The following XPO4 variants were observed in gnomAD, a reference collection of about 807,000 sequenced individuals.
XPO4 encodes the protein exportin-4.
XPO4 carries 39 observed loss-of-function variants against 143.0 expected under a neutral mutation model. The ratio of observed to expected loss-of-function variants is 0.27; its 90% confidence interval spans 0.21 to 0.36. XPO4 has a LOEUF of 0.36. Among genes scored for constraint, XPO4 ranks in the 10% least tolerant of loss-of-function variants. The pLI is 1.00. For synonymous variants in XPO4, 439 were observed against 474.0 expected, an observed-to-expected ratio of 0.93 and a Z score of 0.96; for missense variants, 907 against 1,348.0, an observed-to-expected ratio of 0.67 and a Z score of 5.12.
intron 9 of XPO4, among the ~76,000 whole-genome samples, chr13:20,818,206 C>G (rs1228844614): frequency 6.6e-6 from 1 of 152,188 alleles, no homozygotes; most frequent in Non-Finnish European, 1.5e-5. Context: ...TCCAAAAAGT[C>G]TCAAATAATA....
At chr13:20,830,150 G>A (rs1460452535) in intron 6 of XPO4, among the ~76,000 whole-genome samples, 5 of 152,230 alleles carry the variant, frequency 3.3e-5, no homozygotes, top group Non-Finnish European at 7.4e-5. Context: ...CACTGTCCCT[G>A]ATGCCCAATT....
In XPO4 at chr13:20,778,594, G is replaced by A. The variant is rs2141452563; in HGVS notation, c.*5128C>T. On this transcript the variant is annotated 3_prime_UTR_variant, in exon 23 of 23. Coordinates refer to ENST00000255305, the MANE Select transcript of XPO4 (RefSeq NM_022459.5). ...TAACTGTGAAACTGTTTCTAAGACT[G>A]TGGGCTGAGATAAATATTATAAAAT... The A allele has an allele frequency of 6.6e-6, 1 of 152,284 alleles. No individual in the cohort carries two copies. Among genetic ancestry groups the A allele is most frequent in the Middle Eastern group, 3.4e-3 (1 of 294 alleles). The allele number at this position is 152,284 out of a possible 1,614,324, so 9.4% of individuals were successfully genotyped here.
intron 13 of XPO4, among the ~76,000 whole-genome samples, chr13:20,802,277 T>TG (rs1323293428): frequency 4.6e-5 from 7 of 152,182 alleles, no homozygotes; most frequent in African/African-American, 1.4e-4. Context: ...AGGCTGGTCT[T>TG]GAACTCCTGA....
intron 2 of XPO4, among the ~76,000 whole-genome samples, chr13:20,864,248 G>A (rs940202477): frequency 6.6e-6 from 1 of 152,034 alleles, no homozygotes; most frequent in Non-Finnish European, 1.5e-5. Flanking sequence ...GGGGGACCCA[G>A]TTCCATCTAT....
chr13:20,833,695 G>GA (rs35316180), intron 6 of XPO4, among the ~76,000 whole-genome samples: 35,282 of 151,968 alleles, frequency 0.23, 5,746 homozygotes, highest in East Asian at 0.8. Context: ...GCCAAATGGG[G>GA]AAAAAATCAT....
intron 7 of XPO4, 49 bp from the exon 8 acceptor site, chr13:20,822,338 G>T: frequency 6.5e-7 from 1 of 1,535,126 alleles, no homozygotes; most frequent in Non-Finnish European, 8.8e-7. Flanking sequence ...TCCTTTGTAA[G>T]GGTCACGTGT....
rs1279428769 is a variant in XPO4 at position 20,800,893 on chromosome 13, C to G, written c.1915G>C (p.Val639Leu). Residue 639 changes from valine to leucine, a missense_variant, in exon 14 of 23, where the codon GTT becomes CTT. Val to Leu is a conservative substitution (Grantham distance 32). Coordinates refer to ENST00000255305, the MANE Select transcript of XPO4 (RefSeq NM_022459.5). The stretch of plus-strand genomic sequence containing the variant: ...TTTGCCCAGCGTTTTAAAAACCAAA[C>G]AATATCTTTGCCCATCTGGGGACTT... ...LLSPQMGKDI[V>L]WFLKRWAKTY... 1 of 1,614,046 alleles carries G rather than the reference C, an allele frequency of 6.2e-7. No homozygotes were observed. Among genetic ancestry groups the G allele is most frequent in the Non-Finnish European group, 8.5e-7 (1 of 1,179,970 alleles).
intron 4 of XPO4, among the ~76,000 whole-genome samples, chr13:20,853,336 CAA>C (rs56312143): frequency 1.1e-4 from 11 of 101,964 alleles, no homozygotes; most frequent in Non-Finnish European, 1.3e-4. Context: ...GACCCTGTCT[CAA>C]AAAAAAAAAA....
intron 15 of XPO4, 68 bp downstream of exon 15, chr13:20,800,088 T>C (rs1203528939): frequency 2.4e-5 from 37 of 1,569,232 alleles, no homozygotes; most frequent in Non-Finnish European, 3.2e-5. Flanking sequence ...AGGACTACAC[T>C]AAGAAGTGAA....
chr13:20,785,825 AAGGG>A (rs1465595498), intron 22 of XPO4, among the ~76,000 whole-genome samples: 1 of 140,818 alleles, frequency 7.1e-6, no homozygotes, highest in East Asian at 2.5e-4. Flanking sequence ...GGAAGAAAGG[AAGGG>A]AGGAAGAGAC....
intron 4 of XPO4, 80 bp downstream of exon 4, chr13:20,855,547 C>A (rs2060135733): frequency 1.6e-6 from 2 of 1,269,910 alleles, no homozygotes; most frequent in African/African-American, 1.5e-5. Context: ...ATGTAGATAT[C>A]CATTACTCTT....
intron 4 of XPO4, chr13:20,851,256 A>C (rs1257221549): frequency 1.0e-6 from 1 of 985,318 alleles, no homozygotes; most frequent in East Asian, 1.1e-4. Context: ...AAATAGGGAC[A>C]GTGTATGCAT....
intron 18 of XPO4, among the ~76,000 whole-genome samples, chr13:20,791,206 AAC>A: frequency 1.3e-5 from 2 of 152,234 alleles, no homozygotes; most frequent in African/African-American, 4.8e-5. Flanking sequence ...TCTAAAGGAA[AAC>A]AGTCCATTCC....
At chr13:20,849,296 T>C (rs1270477345) in intron 4 of XPO4, 2 of 985,250 alleles carry the variant, frequency 2.0e-6, no homozygotes, top group South Asian at 4.7e-5. Context: ...GGCTATCACA[T>C]CCAGGGGCTG....
At chr13:20,830,811 C>CTT (rs2059843712) in intron 6 of XPO4, among the ~76,000 whole-genome samples, 1 of 152,006 alleles carries the variant, frequency 6.6e-6, no homozygotes. Context: ...ACTATGCTGG[C>CTT]TTTTATATGG....
intron 6 of XPO4, among the ~76,000 whole-genome samples, chr13:20,837,086 T>G (rs2059924992): frequency 1.3e-5 from 2 of 152,152 alleles, no homozygotes; most frequent in South Asian, 4.1e-4. Flanking sequence ...GACATTTGGG[T>G]TGTTTCTACT....
chr13:20,891,122 TAAAAAAA>T (rs57528913), intron 1 of XPO4, among the ~76,000 whole-genome samples: 6,453 of 85,972 alleles, frequency 0.075, 244 homozygotes, highest in Non-Finnish European at 0.094. Context: ...CATCTCAATT[TAAAAAAA>T]AAAAAAAAAA....
At chr13:20,836,604 G>A (rs1033210860) in intron 6 of XPO4, among the ~76,000 whole-genome samples, 1 of 152,014 alleles carries the variant, frequency 6.6e-6, no homozygotes, top group African/African-American at 2.4e-5. Flanking sequence ...TCTACTAATG[G>A]TGCAGTTGAC....
chr13:20,854,722 G>T (rs936887717), intron 4 of XPO4, among the ~76,000 whole-genome samples: 2 of 152,262 alleles, frequency 1.3e-5, no homozygotes, highest in Non-Finnish European at 2.9e-5. Context: ...AACTCCTCCT[G>T]CCTCAGACAG....
Sources: gnomAD v4.1 joint callset for allele counts (sites outside exome capture counted in the v4.1 genomes callset) on GRCh38, gnomAD v4.1.1 for gene constraint, MANE v1.5 for transcripts, NCBI Gene and HGNC (gene_info 2026-07-23, HGNC 2026-07-21) for gene names.